The following TJP3 variants were observed in gnomAD, a reference collection of about 807,000 sequenced individuals.
TJP3 encodes tight junction protein ZO-3.
Under a neutral mutation model 104.2 loss-of-function variants are expected in TJP3, and 85 were observed. That is an observed-to-expected ratio of 0.82 (90% CI 0.68 to 0.98). TJP3 has a LOEUF of 0.98. Among genes scored for constraint, TJP3 ranks in the 50% least tolerant of loss-of-function variants. The probability of loss-of-function intolerance (pLI) is 0.00; values close to 1 mark genes in which losing one functional copy is unlikely to be tolerated. For synonymous variants in TJP3, 550 were observed against 550.6 expected (o/e 1.00, Z 0.02); for missense variants, 1,367 against 1,322.8 (o/e 1.03, Z -0.52).
At chr19:3,717,504 C>T (rs2036491192) in intron 1 of TJP3, among the ~76,000 whole-genome samples, 1 of 151,484 alleles carries the variant, frequency 6.6e-6, no homozygotes, top group African/African-American at 2.4e-5. Context: ...GGCGTGATCT[C>T]AGCTCACTGC....
chr19:3,739,073 G>T lies in TJP3; in HGVS notation c.1570G>T (p.Ala524Ser), dbSNP rs1160333068. ...CCACGCACGAGGAGGCCACTGGCTG[G>T]CGGTGCGCATGGGTCGTGACCTGCG... Reference protein sequence around the residue: ...QSHARGGHWLAVRMGRDLREQ... With the variant: ...QSHARGGHWLSVRMGRDLREQ... The change falls in exon 13 of 21, where the codon GCG (alanine) becomes TCG (serine). Residue 524 changes from alanine to serine, a missense_variant. Physicochemically the swap from Ala to Ser is moderately conservative, Grantham distance 99 (BLOSUM62 1). Transcript: ENST00000541714. 6.2e-7 allele frequency: 1 copy of T among 1,606,902 alleles called. No individual in the cohort carries two copies. Among genetic ancestry groups the T allele is most frequent in the Non-Finnish European group, 8.5e-7 (1 of 1,176,304 alleles).
At chr19:3,742,918 A>G (rs942637788) in intron 14 of TJP3, among the ~76,000 whole-genome samples, 2 of 150,156 alleles carry the variant, frequency 1.3e-5, no homozygotes, top group East Asian at 4.1e-4. Flanking sequence ...GTGAGCCAAG[A>G]TTAAGCCACT....
intron 13 of TJP3, among the ~76,000 whole-genome samples, chr19:3,739,363 G>A (rs1361268266): frequency 2.6e-5 from 4 of 152,170 alleles, no homozygotes; most frequent in Admixed American, 6.5e-5. Flanking sequence ...GGTGGCACAT[G>A]CCTATAATCC....
rs1295344399 is a variant in TJP3, at chr19:3,739,249, T to C, written c.1631+115T>C. 1.1e-5 allele frequency: 11 copies of C among 967,344 alleles called. No homozygotes were observed. In the East Asian group the frequency reaches 2.7e-4, roughly 24 times the overall value. 59.9% of individuals were successfully genotyped at this position (967,344 alleles called of 1,614,324 possible). Reference sequence around the variant, plus strand: ...GCTCAGGCCTGTAATCCTGGCACTTTGGGAGGCTGAAGTGGGCAGATCATG... The same window carrying C: ...GCTCAGGCCTGTAATCCTGGCACTTCGGGAGGCTGAAGTGGGCAGATCATG... On this transcript the variant is annotated intron_variant, in intron 13 of 20. Transcript: ENST00000541714.
intron 8 of TJP3, 110 bp from the exon 9 acceptor site, chr19:3,735,456 C>A: frequency 2.7e-6 from 3 of 1,121,824 alleles, no homozygotes; most frequent in Non-Finnish European, 4.0e-6. Context: ...ACCTCGACCT[C>A]CCAAAATGCT....
chr19:3,747,331 G>T (rs1468809825), intron 18 of TJP3, among the ~76,000 whole-genome samples: 5 of 152,112 alleles, frequency 3.3e-5, no homozygotes, highest in Non-Finnish European at 2.9e-5. Context: ...AAAGTGCTGG[G>T]ATTACAGGCC....
At chr19:3,745,743 T>C (rs1484414485) in intron 15 of TJP3, among the ~76,000 whole-genome samples, 1 of 152,134 alleles carries the variant, frequency 6.6e-6, no homozygotes, top group Non-Finnish European at 1.5e-5. Context: ...AAGTGGCCTG[T>C]TGTCTCTGAG....
At chr19:3,734,806 T>C (rs984034912) in intron 8 of TJP3, among the ~76,000 whole-genome samples, 2 of 152,092 alleles carry the variant, frequency 1.3e-5, no homozygotes, top group Non-Finnish European at 2.9e-5. Flanking sequence ...ATACCAAAAT[T>C]AGCCCGGCGT....
At chr19:3,726,927 A>C (rs1362052999) in intron 1 of TJP3, among the ~76,000 whole-genome samples, 1 of 151,680 alleles carries the variant, frequency 6.6e-6, no homozygotes, top group Non-Finnish European at 1.5e-5. Context: ...CTCTACAAAC[A>C]ATAAAAAAAA....
intron 20 of TJP3, 64 bp from the exon 21 acceptor site, chr19:3,750,518 G>A (rs1156355380): frequency 7.1e-7 from 1 of 1,411,470 alleles, no homozygotes; most frequent in Non-Finnish European, 9.8e-7. Context: ...GCCAGCCTCA[G>A]TTTATGGTGA....
intron 1 of TJP3, among the ~76,000 whole-genome samples, chr19:3,726,551 T>A (rs6510767): frequency 0.68 from 103,352 of 151,616 alleles, 35,485 homozygotes; most frequent in Admixed American, 0.76. Flanking sequence ...GTGAGCCAAG[T>A]TGGCACCATT....
chr19:3,748,085 C>A lies in TJP3; in HGVS notation c.2610+4C>A. The stretch of plus-strand genomic sequence containing the variant: ...CTCGGCTCATCAGGGGGCCCAGGTG[C>A]GTCGGACATGGGGGGCAGGCCTGGG... On this transcript the variant is annotated splice_donor_region_variant and intron_variant, in intron 19 of 20. Transcript: ENST00000541714. 6.4e-7 allele frequency: 1 copy of A among 1,551,012 alleles called. No homozygotes were observed. The highest frequency in any genetic ancestry group is 8.7e-7 in the Non-Finnish European group (1 of 1,146,472).
At chr19:3,742,267 C>T (rs2036831649) in intron 14 of TJP3, among the ~76,000 whole-genome samples, 1 of 151,832 alleles carries the variant, frequency 6.6e-6, no homozygotes, top group African/African-American at 2.4e-5. Flanking sequence ...GACTCTGTCT[C>T]TACAAAATAA....
At chr19:3,709,451 G>A (rs916128389) in intron 1 of TJP3, among the ~76,000 whole-genome samples, 5 of 152,152 alleles carry the variant, frequency 3.3e-5, no homozygotes, top group African/African-American at 1.2e-4. Flanking sequence ...GGGGCAGAGG[G>A]GAAGGAGGAA....
chr19:3,717,028 C>T lies in TJP3; in HGVS notation c.-10+8467C>T, dbSNP rs545599698. Reference sequence around the variant, plus strand: ...TTGCCCAGGCTGGAGTGCAATGGCCCGATTTCGGCTCACTGCAACCTCCGC... The same window carrying T: ...TTGCCCAGGCTGGAGTGCAATGGCCTGATTTCGGCTCACTGCAACCTCCGC... On this transcript the variant is annotated intron_variant, in intron 1 of 20. Coordinates refer to ENST00000541714, the MANE Select transcript of TJP3 (RefSeq NM_001267560.2). Among the ~76,000 whole-genome samples, 11 of 142,852 alleles carry T rather than the reference C, an allele frequency of 7.7e-5. 1 individual carries two copies. The highest frequency in any genetic ancestry group is 2.7e-4 in the African/African-American group (11 of 40,316). 93.7% of individuals were successfully genotyped at this position (142,852 alleles called of 152,430 possible).
chr19:3,732,944 C>T (rs755737703), intron 6 of TJP3, among the ~76,000 whole-genome samples: 2 of 152,236 alleles, frequency 1.3e-5, no homozygotes, highest in Middle Eastern at 3.4e-3. Flanking sequence ...CACACCCGGC[C>T]GACATTAAGT....
chr19:3,732,938 C>T (rs1599154043), intron 6 of TJP3, among the ~76,000 whole-genome samples: 1 of 152,310 alleles, frequency 6.6e-6, no homozygotes, highest in Admixed American at 6.5e-5. Flanking sequence ...AGCCACCACA[C>T]CCGGCCGACA....
chr19:3,710,215 G>A (rs1034110411), intron 1 of TJP3, among the ~76,000 whole-genome samples: 16 of 151,622 alleles, frequency 1.1e-4, no homozygotes, highest in Non-Finnish European at 1.9e-4. Context: ...GTTGAGTGCC[G>A]GATGTAATAA....
At chr19:3,718,035 G>A (rs2036498414) in intron 1 of TJP3, among the ~76,000 whole-genome samples, 2 of 151,848 alleles carry the variant, frequency 1.3e-5, no homozygotes, top group South Asian at 2.1e-4. Context: ...CTAACACGGT[G>A]AAACCCCATC....
Sources: gnomAD v4.1 joint callset for allele counts (sites outside exome capture counted in the v4.1 genomes callset) on GRCh38, gnomAD v4.1.1 for gene constraint, MANE v1.5 for transcripts, NCBI Gene and HGNC (gene_info 2026-07-23, HGNC 2026-07-21) for gene names.